The following METRNL variants were observed in gnomAD, a reference collection of about 807,000 sequenced individuals.
METRNL encodes meteorin like, glial cell differentiation regulator, also known as meteorin-like protein.
Under a neutral mutation model 17.4 loss-of-function variants are expected in METRNL, and 9 were observed. The observed-to-expected ratio is 0.52, with a 90% CI of 0.31 to 0.90. The LOEUF (loss-of-function observed/expected upper bound fraction) is 0.90, where lower values mean the gene tolerates loss of function less well. Ranked by LOEUF, METRNL falls within the 40% of genes least tolerant of loss-of-function variation. The pLI is 0.05. For missense variants in METRNL, 408 were observed against 430.7 expected (o/e 0.95, Z 0.47); for synonymous variants, 215 against 199.3 (o/e 1.08, Z -0.66).
At chr17:83,081,668 A>C (rs8069795) in intron 1 of METRNL, among the ~76,000 whole-genome samples, 41,220 of 149,888 alleles carry the variant, frequency 0.28, 5,774 homozygotes, top group Admixed American at 0.32. Flanking sequence ...GGACCCCCCC[A>C]CACACACACA....
intron 2 of METRNL, chr17:83,092,337 A>G (rs1169312907): frequency 6.6e-6 from 1 of 152,194 alleles, no homozygotes; most frequent in Admixed American, 6.5e-5. Context: ...CCCTTCCTGG[A>G]ATCTTGGCCT....
At position 83,094,428 on chromosome 17, in the gene METRNL, G is replaced by A. The variant is rs1449500449; in HGVS notation, c.789G>A (p.Arg263=). The A allele has an allele frequency of 6.3e-7, 1 of 1,599,870 alleles. No homozygotes were observed. Among genetic ancestry groups the A allele is most frequent in the East Asian group, 2.3e-5 (1 of 44,436 alleles). Reference sequence around the variant, plus strand: ...GGACGCTGCTGGAGTGTGGCGTGCGGCCGGGGCATGGCGACTTCCTCTTCA... The same window carrying A: ...GGACGCTGCTGGAGTGTGGCGTGCGACCGGGGCATGGCGACTTCCTCTTCA... The part of the protein sequence containing the change: ...RVRTLLECGV[R]PGHGDFLFTG... The change falls in exon 4 of 4, where the codon CGG becomes CGA. Residue 263 remains arginine, a synonymous_variant. Coordinates refer to ENST00000320095, the MANE Select transcript of METRNL (RefSeq NM_001004431.3).
rs1405761208 is a variant in METRNL, at chr17:83,094,743, T to C, written c.*168T>C. 2.3e-6 allele frequency: 1 copy of C among 443,124 alleles called. No homozygotes were observed. Among genetic ancestry groups the C allele is most frequent in the Non-Finnish European group, 3.8e-6 (1 of 266,366 alleles). The allele number at this position is 443,124 out of a possible 1,614,324, so 27.4% of individuals were successfully genotyped here. On this transcript the variant is annotated 3_prime_UTR_variant, in exon 4 of 4. Transcript: ENST00000320095. ...GACGTTCTCGCCACACTCAACCCCA[T>C]GAGCTTCCAGCCAAGGATGCCCTGG... is the stretch of plus-strand genomic sequence containing the variant.
Position 83,093,208 on chromosome 17 carries a change from G to A in METRNL, c.598G>A (p.Val200Ile), listed in dbSNP as rs145406727. Residue 200 changes from valine (V) to isoleucine (I), a missense_variant, in exon 3 of 4, where the codon GTC becomes ATC. Coordinates refer to ENST00000320095, the MANE Select transcript of METRNL (RefSeq NM_001004431.3). ...CAGTGACACCGAGGTGCTCCTAGCC[G>A]TCTGCACCAGCGACTTCGGTGAGTG... is the stretch of plus-strand genomic sequence containing the variant. Reference protein sequence around the residue: ...PCSDTEVLLAVCTSDFAVRGS... With the variant: ...PCSDTEVLLAICTSDFAVRGS... 447 of 1,608,102 alleles carry A rather than the reference G, an allele frequency of 2.8e-4. No homozygotes were observed. Among genetic ancestry groups the A allele is most frequent in the Middle Eastern group, 2.5e-3 (15 of 6,082 alleles).
chr17:83,082,462 G>A (rs2038000831), intron 1 of METRNL, among the ~76,000 whole-genome samples: 1 of 152,238 alleles, frequency 6.6e-6, no homozygotes, highest in African/African-American at 2.4e-5. Context: ...GGTAACCCTT[G>A]CTGACTTTTA....
intron 2 of METRNL, among the ~76,000 whole-genome samples, chr17:83,091,023 G>C (rs911843715): frequency 6.6e-6 from 1 of 152,120 alleles, no homozygotes; most frequent in Non-Finnish European, 1.5e-5. Context: ...AGCGCACCGG[G>C]CGGCTTCCAG....
chr17:83,091,158 G>C (rs1054086559), intron 2 of METRNL, among the ~76,000 whole-genome samples: 11 of 152,054 alleles, frequency 7.2e-5, no homozygotes, highest in African/African-American at 2.2e-4. Flanking sequence ...TGCCCCCCCA[G>C]TGCCAGGCTG....
intron 2 of METRNL, 115 bp from the exon 3 acceptor site, chr17:83,093,052 T>G (rs921691538): frequency 2.4e-6 from 2 of 818,436 alleles, no homozygotes; most frequent in Non-Finnish European, 4.0e-6. Context: ...TGCCTTGACG[T>G]GGACACCCTC....
intron 2 of METRNL, 77 bp downstream of exon 2, chr17:83,085,400 C>T: frequency 6.8e-7 from 1 of 1,474,652 alleles, no homozygotes; most frequent in Non-Finnish European, 9.1e-7. Context: ...TCTCTGATTT[C>T]TTCCTGTCCC....
At chr17:83,084,513 A>C in intron 1 of METRNL, 4 of 183,334 alleles carry the variant, frequency 2.2e-5, no homozygotes, top group Non-Finnish European at 3.4e-5. Context: ...TTCTGGAGGA[A>C]TCCATCCCTT....
At chr17:83,089,367 C>A (rs561058001) in intron 2 of METRNL, among the ~76,000 whole-genome samples, 1 of 152,316 alleles carries the variant, frequency 6.6e-6, no homozygotes, top group East Asian at 1.9e-4. Flanking sequence ...GGTTTCCCGT[C>A]GGAACTGTGT....
In METRNL at chr17:83,094,353, G is replaced by A. The variant is rs368499821; in HGVS notation, c.714G>A (p.Arg238=). The change falls in exon 4 of 4, where the codon AGG becomes AGA. Residue 238 remains arginine (R), a synonymous_variant. Coordinates refer to ENST00000320095, the MANE Select transcript of METRNL (RefSeq NM_001004431.3). ...RVSRLYRQKS[R]VFEPVPEGDG... Reference sequence around the variant, plus strand: ...GCAGACTCTATCGGCAGAAAAGCAGGGTCTTCGAGCCGGTGCCCGAGGGTG... The same window carrying A: ...GCAGACTCTATCGGCAGAAAAGCAGAGTCTTCGAGCCGGTGCCCGAGGGTG... 1.9e-6 allele frequency: 3 copies of A among 1,610,676 alleles called. No individual in the cohort carries two copies. Among genetic ancestry groups the A allele is most frequent in the Non-Finnish European group, 2.5e-6 (3 of 1,178,420 alleles).
Position 83,093,195 on chromosome 17 carries a change from G to C in METRNL, c.585G>C (p.Glu195Asp). The C allele has an allele frequency of 6.2e-7, 1 of 1,608,352 alleles. No individual in the cohort carries two copies. Among genetic ancestry groups the C allele is most frequent in the Middle Eastern group, 1.7e-4 (1 of 6,060 alleles). ...CGTGCCGTCCCTGCAGTGACACCGAGGTGCTCCTAGCCGTCTGCACCAGCG... is the reference window on the plus strand; with the variant it reads ...CGTGCCGTCCCTGCAGTGACACCGACGTGCTCCTAGCCGTCTGCACCAGCG... Reference protein sequence around the residue: ...SAPCRPCSDTEVLLAVCTSDF... With the variant: ...SAPCRPCSDTDVLLAVCTSDF... Residue 195 changes from glutamate (E) to aspartate (D), a missense_variant, in exon 3 of 4, where the codon GAG becomes GAC. Physicochemically the swap from Glu to Asp is conservative, Grantham distance 45. Coordinates refer to ENST00000320095, the MANE Select transcript of METRNL (RefSeq NM_001004431.3).
chr17:83,089,846 G>A (rs1385680041), intron 2 of METRNL, among the ~76,000 whole-genome samples: 2 of 152,068 alleles, frequency 1.3e-5, no homozygotes, highest in Admixed American at 6.5e-5. Context: ...TGCTCCTTAC[G>A]AGCTCAGCTG....
In METRNL at chr17:83,084,697, C is replaced by T. The variant is rs371186411; in HGVS notation, c.171-241C>T. 1.2e-5 allele frequency: 7 copies of T among 561,080 alleles called. No homozygotes were observed. In the African/African-American group the frequency reaches 1.3e-4, roughly 11 times the overall value. 34.8% of individuals were successfully genotyped at this position (561,080 alleles called of 1,614,324 possible). A position where few individuals can be genotyped will look rare whatever the true frequency, so the allele number is the denominator to read the frequency against. ...CACTCCCGGGAGCTCGGCCCCGCCC[C>T]ACCATGGCTCTTGGTGCAGGTGCAC... is the stretch of plus-strand genomic sequence containing the variant. On this transcript the variant is annotated intron_variant, in intron 1 of 3. Transcript: ENST00000320095.
Position 83,079,927 on chromosome 17 carries a change from G to C in METRNL, c.112G>C (p.Gly38Arg). ...CCCGCTGCTGCTCCTGCTCCTGGCCGGGCTGCTGGGCGGCGCGGGCGCGCA... is the reference window on the plus strand; with the variant it reads ...CCCGCTGCTGCTCCTGCTCCTGGCCCGGCTGCTGGGCGGCGCGGGCGCGCA... The part of the protein sequence containing the change: ...PLPLLLLLLA[G>R]LLGGAGAQYS... The change falls in exon 1 of 4, where the codon GGG becomes CGG. Residue 38 changes from glycine to arginine, a missense_variant. Physicochemically the swap from Gly to Arg is moderately radical, Grantham distance 125. Transcript: ENST00000320095. The C allele has an allele frequency of 6.0e-6, 6 of 1,007,148 alleles. No individual in the cohort carries two copies. Among genetic ancestry groups the C allele is most frequent in the Non-Finnish European group, 7.1e-6 (6 of 845,938 alleles). 62.4% of individuals were successfully genotyped at this position (1,007,148 alleles called of 1,614,324 possible). A position where few individuals can be genotyped will look rare whatever the true frequency, so the allele number is the denominator to read the frequency against.
Position 83,085,018 on chromosome 17 carries a change from A to C in METRNL, c.251A>C (p.Tyr84Ser), listed in dbSNP as rs1327382850. ...GCGGCGGGTGCCGTGGAGTGGATGT[A>C]CCCAACAGGTGCTCTCATCGTTAAC... is the stretch of plus-strand genomic sequence containing the variant. The part of the protein sequence containing the change: ...RCAAGAVEWM[Y>S]PTGALIVNLR... Residue 84 changes from tyrosine (Y) to serine (S), a missense_variant, in exon 2 of 4, where the codon TAC becomes TCC. Coordinates refer to ENST00000320095, the MANE Select transcript of METRNL (RefSeq NM_001004431.3). 6.2e-7 allele frequency: 1 copy of C among 1,613,552 alleles called. No homozygotes were observed. Among genetic ancestry groups the C allele is most frequent in the Admixed American group, 1.7e-5 (1 of 60,006 alleles).
chr17:83,090,564 A>G (rs1367376790), intron 2 of METRNL, among the ~76,000 whole-genome samples: 4 of 131,552 alleles, frequency 3.0e-5, no homozygotes, highest in Admixed American at 8.0e-5. Flanking sequence ...GACTTCCGGC[A>G]CCTCCTGCCT....
chr17:83,082,845 A>G (rs189474843), intron 1 of METRNL, among the ~76,000 whole-genome samples: 15 of 152,292 alleles, frequency 9.8e-5, no homozygotes, highest in Admixed American at 9.8e-4. Flanking sequence ...TTTTTTGTCT[A>G]CACGGGTCTT....
Sources: allele counts gnomAD v4.1 joint callset (sites outside exome capture counted in the v4.1 genomes callset), GRCh38; gene constraint gnomAD v4.1.1; transcripts MANE v1.5; gene names NCBI Gene and HGNC (gene_info 2026-07-23, HGNC 2026-07-21).